The following RFNG variants were observed in gnomAD, a reference collection of about 807,000 sequenced individuals.
RFNG encodes the protein RFNG O-fucosylpeptide 3-beta-N-acetylglucosaminyltransferase.
A neutral mutation model predicts 29.6 loss-of-function variants in RFNG; 37 were observed. The ratio of observed to expected loss-of-function variants is 1.25; its 90% CI spans 0.96 to 1.65. The LOEUF (loss-of-function observed/expected upper bound fraction) is 1.65. Ranked by LOEUF, RFNG falls within the 40% of genes most tolerant of loss-of-function variation. The probability of loss-of-function intolerance (pLI) is 0.00; values close to 1 mark genes in which losing one functional copy is unlikely to be tolerated. For missense variants in RFNG, 546 were observed against 457.0 expected (o/e 1.19, Z -1.78); for synonymous variants, 276 against 197.3 (o/e 1.40, Z -3.34).
chr17:82,050,175 G>A (rs1043477859), intron 4 of RFNG, 169 bp from the exon 5 acceptor site: 18 of 779,820 alleles, frequency 2.3e-5, no homozygotes, highest in African/African-American at 1.0e-4. Flanking sequence ...CCATTGACCC[G>A]TAGCCTCCAG....
At chr17:82,049,449 G>A (rs777717840) in intron 6 of RFNG, 82 of 712,032 alleles carry the variant, frequency 1.2e-4, no homozygotes, top group Admixed American at 3.6e-4. Flanking sequence ...TCACTGGCCC[G>A]AGAACTGTGC....
rs1265250180 is a variant in RFNG at position 82,049,085 on chromosome 17, G to C, written c.860C>G (p.Pro287Arg). ...VTLSHGGPEN[P>R]HNVVNVAGGF... ...TCCAGCCACGTTCACCACGTTATGT[G>C]GGTTCTCAGGACCCCCATGGCTCAA... Residue 287 changes from proline (P) to arginine (R), a missense_variant, in exon 7 of 8, where the codon CCA becomes CGA. Transcript: ENST00000310496. 1.2e-6 allele frequency: 2 copies of C among 1,613,510 alleles called. No homozygotes were observed. Among genetic ancestry groups the C allele is most frequent in the South Asian group, 2.2e-5 (2 of 91,086 alleles).
In RFNG at chr17:82,049,986, C is replaced by T. The variant is rs767519998; in HGVS notation, c.594G>A (p.Trp198Ter). The T allele has an allele frequency of 6.2e-7, 1 of 1,612,014 alleles. No individual in the cohort carries two copies. The highest frequency in any genetic ancestry group is 1.1e-5 in the South Asian group (1 of 90,810). The change falls in exon 5 of 8, where the codon TGG becomes TGA. Residue 198 changes from tryptophan (W) to a stop codon, truncating the protein, a stop_gained. Coordinates refer to ENST00000310496, the MANE Select transcript of RFNG (RefSeq NM_002917.2). LOFTEE classifies it high-confidence loss of function. Reference protein sequence around the residue: ...GGRTVTTVKFWFATGGAGFCL... With the variant: ...GGRTVTTVKF ...AGAACCCGGCCCCACCAGTAGCAAA[C>T]CAGAACTTGACCGTGGTCACCTGAA...
Position 82,051,094 on chromosome 17 carries a change from G to A in RFNG, c.316+200C>T, listed in dbSNP as rs1002256662. The A allele has an allele frequency of 1.1e-5, 15 of 1,365,400 alleles. No individual in the cohort carries two copies. The Admixed American group carries it at 2.4e-4, about 22-fold the overall frequency. 84.6% of individuals were successfully genotyped at this position (1,365,400 alleles called of 1,614,324 possible). A position where few individuals can be genotyped will look rare whatever the true frequency, so the allele number is the denominator to read the frequency against. ...CCACGCCCCGGGAAGCGGCTAGTGT[G>A]AGAGGCTGGTGGGGAGCAGAGCTTG... On this transcript the variant is annotated intron_variant, in intron 2 of 7. Coordinates refer to ENST00000310496, the MANE Select transcript of RFNG (RefSeq NM_002917.2). The surrounding 1 kb of genome is among the most constrained non-coding windows in gnomAD (Gnocchi z 4.1).
rs376233725 is a variant in RFNG, at chr17:82,050,009, G to A, written c.574-3C>T. 1.8e-5 allele frequency: 29 copies of A among 1,607,180 alleles called. No homozygotes were observed. Among genetic ancestry groups the A allele is most frequent in the Admixed American group, 3.4e-5 (2 of 59,492 alleles). The stretch of plus-strand genomic sequence containing the variant: ...AACCAGAACTTGACCGTGGTCACCT[G>A]AAGATGGGGTGGTGGTCAGAGCTGC... On this transcript the variant is annotated splice_region_variant and splice_polypyrimidine_tract_variant and intron_variant, in intron 4 of 7. Coordinates refer to ENST00000310496, the MANE Select transcript of RFNG (RefSeq NM_002917.2).
chr17:82,050,815 G>A, intron 2 of RFNG, 51 bp from the exon 3 acceptor site: 1 of 1,575,770 alleles, frequency 6.3e-7, no homozygotes, highest in Non-Finnish European at 8.7e-7. Context: ...ACTGGGGTTG[G>A]GGTAAGGCCT....
chr17:82,051,772 C>T lies in RFNG; in HGVS notation c.-6G>A. On this transcript the variant is annotated 5_prime_UTR_variant, in exon 1 of 8. Transcript: ENST00000310496. The surrounding 1 kb of genome is among the most constrained non-coding windows in gnomAD (Gnocchi z 4.1). ...GCCCCACGCGCGCGGCTCATGCGGC[C>T]GCCGGGACCCCCGGCGCTGCGAGCG... The T allele has an allele frequency of 9.0e-7, 1 of 1,105,244 alleles. No individual in the cohort carries two copies. Among genetic ancestry groups the T allele is most frequent in the Non-Finnish European group, 1.1e-6 (1 of 908,248 alleles). 68.5% of individuals were successfully genotyped at this position (1,105,244 alleles called of 1,614,324 possible).
chr17:82,049,722 G>C lies in RFNG; in HGVS notation c.783C>G (p.His261Gln), dbSNP rs1012968896. The stretch of plus-strand genomic sequence containing the variant: ...GCGGCAGCCTCTGCAGGTTCTCCAG[G>C]TGAGAGTGGAAGAGGGGGCTGTGCA... ...RLLHSPLFHSHLENLQRLPPD... is the reference protein window; with the variant it reads ...RLLHSPLFHSQLENLQRLPPD... Residue 261 changes from histidine to glutamine, a missense_variant, in exon 6 of 8, where the codon CAC becomes CAG. Transcript: ENST00000310496. 6.6e-7 allele frequency: 1 copy of C among 1,510,686 alleles called. No individual in the cohort carries two copies. Among genetic ancestry groups the C allele is most frequent in the Admixed American group, 2.3e-5 (1 of 43,108 alleles). The allele number at this position is 1,510,686 out of a possible 1,614,324, so 93.6% of individuals were successfully genotyped here. A position where few individuals can be genotyped will look rare whatever the true frequency, so the allele number is the denominator to read the frequency against.
At position 82,048,712 on chromosome 17, in the gene RFNG, C is replaced by T. The variant is rs368692239; in HGVS notation, c.*14G>A. On this transcript the variant is annotated 3_prime_UTR_variant, in exon 8 of 8. Coordinates refer to ENST00000310496, the MANE Select transcript of RFNG (RefSeq NM_002917.2). ...GGGACAGAGCCAGGCAGCCCTGGGT[C>T]GGGGTGGTTGGTGTCACCGAGAGGT... The T allele has an allele frequency of 7.0e-5, 112 of 1,609,090 alleles. No homozygotes were observed. The highest frequency in any genetic ancestry group is 1.6e-4 in the African/African-American group (12 of 74,990).
Position 82,050,711 on chromosome 17 carries a change from A to T in RFNG, c.370T>A (p.Cys124Ser). 6.2e-7 allele frequency: 1 copy of T among 1,613,242 alleles called. No individual in the cohort carries two copies. The highest frequency in any genetic ancestry group is 8.5e-7 in the Non-Finnish European group (1 of 1,179,950). Reference sequence around the variant, plus strand: ...TCATACTCCACGGACATCTTGCAGCAGAGGGCCTGACGAGTGCGCACCGCC... The same window carrying T: ...TCATACTCCACGGACATCTTGCAGCTGAGGGCCTGACGAGTGCGCACCGCC... ...CSAVRTRQALCCKMSVEYDKF... is the reference protein window; with the variant it reads ...CSAVRTRQALSCKMSVEYDKF... Residue 124 changes from cysteine to serine, a missense_variant, in exon 3 of 8, where the codon TGC (cysteine) becomes AGC (serine). By Grantham distance (112) the Cys-to-Ser change is moderately radical (BLOSUM62 -1). Coordinates refer to ENST00000310496, the MANE Select transcript of RFNG (RefSeq NM_002917.2).
In RFNG at chr17:82,047,903, G is replaced by A. The variant is rs1464275749; in HGVS notation, c.*823C>T. ...TGGGTGACTAAGACAGGAGCCACGT[G>A]AAGTAAGAACAAAAGCTTTACTCGT... is the stretch of plus-strand genomic sequence containing the variant. On this transcript the variant is annotated 3_prime_UTR_variant, in exon 8 of 8. Coordinates refer to ENST00000310496, the MANE Select transcript of RFNG (RefSeq NM_002917.2). 6.6e-6 allele frequency: 1 copy of A among 152,318 alleles called. No homozygotes were observed. The highest frequency in any genetic ancestry group is 1.5e-5 in the Non-Finnish European group (1 of 68,104). The allele number at this position is 152,318 out of a possible 1,614,324, so 9.4% of individuals were successfully genotyped here.
Position 82,050,712 on chromosome 17 carries a change from G to C in RFNG, c.369C>G (p.Leu123=), listed in dbSNP as rs899894069. The change falls in exon 3 of 8, where the codon CTC becomes CTG. Residue 123 remains leucine (L), a synonymous_variant. Transcript: ENST00000310496. ...CATACTCCACGGACATCTTGCAGCA[G>C]AGGGCCTGACGAGTGCGCACCGCCG... ...NCSAVRTRQA[L]CCKMSVEYDK... 1 of 1,613,276 alleles carries C rather than the reference G, an allele frequency of 6.2e-7. No homozygotes were observed. The highest frequency in any genetic ancestry group is 8.5e-7 in the Non-Finnish European group (1 of 1,179,966).
In RFNG at chr17:82,051,399, C is replaced by G; in HGVS notation, c.268-57G>C. 1.4e-6 allele frequency: 2 copies of G among 1,411,536 alleles called. No homozygotes were observed. Among genetic ancestry groups the G allele is most frequent in the South Asian group, 3.4e-5 (2 of 58,958 alleles). 87.4% of individuals were successfully genotyped at this position (1,411,536 alleles called of 1,614,324 possible). On this transcript the variant is annotated intron_variant, in intron 1 of 7. Transcript: ENST00000310496. This position sits in a 1 kb window ranked among gnomAD's most constrained non-coding sequence, Gnocchi z 4.1. ...GGCGCTGCCCAGGCCGGAGACCGAC[C>G]CGCCCCGCGCGGAGCCTCCGGGGGC...
rs1354698492 is a variant in RFNG, at chr17:82,050,419, C to T, written c.556G>A (p.Val186Ile). ...ACACTCACAGTTCTGCCACCCTGGACCCTCTCGGTGGCCTCAATGGGGTGG... is the reference window on the plus strand; with the variant it reads ...ACACTCACAGTTCTGCCACCCTGGATCCTCTCGGTGGCCTCAATGGGGTGG... ...LDHPIEATER[V>I]QGGRTVTTVK... The change falls in exon 4 of 8, where the codon GTC becomes ATC. Residue 186 changes from valine (V) to isoleucine (I), a missense_variant. Coordinates refer to ENST00000310496, the MANE Select transcript of RFNG (RefSeq NM_002917.2). The T allele has an allele frequency of 6.3e-7, 1 of 1,593,344 alleles. No individual in the cohort carries two copies. Among genetic ancestry groups the T allele is most frequent in the South Asian group, 1.1e-5 (1 of 89,930 alleles).
chr17:82,050,609 C>G (rs566508957), intron 3 of RFNG, 53 bp downstream of exon 3: 10 of 1,607,668 alleles, frequency 6.2e-6, no homozygotes, highest in African/African-American at 5.3e-5. Context: ...GGACAGGAGG[C>G]CCCCACCCAG....
At position 82,051,775 on chromosome 17, in the gene RFNG, C is replaced by T. The variant is rs1185363330; in HGVS notation, c.-9G>A. On this transcript the variant is annotated 5_prime_UTR_variant, in exon 1 of 8. Coordinates refer to ENST00000310496, the MANE Select transcript of RFNG (RefSeq NM_002917.2). The surrounding 1 kb of genome is among the most constrained non-coding windows in gnomAD (Gnocchi z 4.1). Reference sequence around the variant, plus strand: ...CCACGCGCGCGGCTCATGCGGCCGCCGGGACCCCCGGCGCTGCGAGCGGAG... The same window carrying T: ...CCACGCGCGCGGCTCATGCGGCCGCTGGGACCCCCGGCGCTGCGAGCGGAG... 1.2e-5 allele frequency: 13 copies of T among 1,108,524 alleles called. No homozygotes were observed. The highest frequency in any genetic ancestry group is 5.1e-5 in the East Asian group (1 of 19,794). The allele number at this position is 1,108,524 out of a possible 1,614,324, so 68.7% of individuals were successfully genotyped here.
chr17:82,049,845 G>C lies in RFNG; in HGVS notation c.663-3C>G, dbSNP rs114154319. ...CTGTGCTCATGAAGCTGCCCAGGCT[G>C]GGGGGAGGCCGGTCAGCACCTTTCA... is the stretch of plus-strand genomic sequence containing the variant. On this transcript the variant is annotated splice_region_variant and splice_polypyrimidine_tract_variant and intron_variant, in intron 5 of 7. Coordinates refer to ENST00000310496, the MANE Select transcript of RFNG (RefSeq NM_002917.2). The C allele has an allele frequency of 5.0e-6, 8 of 1,603,062 alleles. No individual in the cohort carries two copies. Among genetic ancestry groups the C allele is most frequent in the South Asian group, 1.1e-5 (1 of 90,074 alleles).
rs766381920 is a variant in RFNG, at chr17:82,049,119, G to A, written c.829-3C>T. Reference sequence around the variant, plus strand: ...GGACCCCCATGGCTCAAGGTAACCTGGGAGGGAAGGGTGTGGGCAGAGTGT... The same window carrying A: ...GGACCCCCATGGCTCAAGGTAACCTAGGAGGGAAGGGTGTGGGCAGAGTGT... On this transcript the variant is annotated splice_region_variant and splice_polypyrimidine_tract_variant and intron_variant, in intron 6 of 7. Transcript: ENST00000310496. 6.8e-6 allele frequency: 11 copies of A among 1,612,182 alleles called. No individual in the cohort carries two copies. Among genetic ancestry groups the A allele is most frequent in the African/African-American group, 1.3e-5 (1 of 75,006 alleles).
rs2030381675 is a variant in RFNG, at chr17:82,050,689, T to C, written c.392A>G (p.Tyr131Cys). Residue 131 changes from tyrosine (Y) to cysteine (C), a missense_variant, in exon 3 of 8, where the codon TAT becomes TGT. Tyr to Cys is a radical substitution (Grantham distance 194, BLOSUM62 -2). Coordinates refer to ENST00000310496, the MANE Select transcript of RFNG (RefSeq NM_002917.2). ...GCGCCCGGACTCAATGAACTTGTCA[T>C]ACTCCACGGACATCTTGCAGCAGAG... ...QALCCKMSVE[Y>C]DKFIESGRKW... 1 of 1,613,238 alleles carries C rather than the reference T, an allele frequency of 6.2e-7. No homozygotes were observed. Among genetic ancestry groups the C allele is most frequent in the Non-Finnish European group, 8.5e-7 (1 of 1,179,938 alleles).
Sources: gnomAD v4.1 joint callset for allele counts on GRCh38, gnomAD v4.1.1 for gene constraint, Gnocchi (gnomAD v3.1) non-coding constraint, MANE v1.5 for transcripts, NCBI Gene and HGNC (gene_info 2026-07-23, HGNC 2026-07-21) for gene names.